Variants in SLC12A3 observed in about 807,000 individuals in gnomAD.
SLC12A3 encodes the protein solute carrier family 12 member 3, also known as Na-Cl cotransporter.
A neutral mutation model predicts 121.0 loss-of-function variants in SLC12A3; 104 were observed. The ratio of observed to expected loss-of-function variants is 0.86; its 90% CI spans 0.73 to 1.01. The LOEUF (loss-of-function observed/expected upper bound fraction) is 1.01. SLC12A3 is among the 50% of genes least tolerant of loss of function. SLC12A3 has a pLI of 0.00. For synonymous variants in SLC12A3, 536 were observed against 533.4 expected, an observed-to-expected ratio of 1.00 and a Z score of -0.07; for missense variants, 1,328 against 1,356.3, an observed-to-expected ratio of 0.98 and a Z score of 0.33.
intron 22 of SLC12A3, among the ~76,000 whole-genome samples, chr16:56,895,804 A>C (rs2055454865): frequency 6.6e-6 from 1 of 152,046 alleles, no homozygotes; most frequent in Non-Finnish European, 1.5e-5. Flanking sequence ...ACTCACCATA[A>C]TGTAGAATCA....
At chr16:56,884,739 G>C (rs1241306903) in intron 14 of SLC12A3, among the ~76,000 whole-genome samples, 2 of 152,144 alleles carry the variant, frequency 1.3e-5, no homozygotes, top group African/African-American at 4.8e-5. Context: ...AAGGCAGGAG[G>C]ATATCGTGTG....
chr16:56,880,125 T>TGCAGTGCCTTTGCGAGGACCA lies in SLC12A3; in HGVS notation c.1444-2_1462dup, dbSNP rs1325615258. 6 of 1,603,972 alleles carry TGCAGTGCCTTTGCGAGGACCA rather than the reference T, an allele frequency of 3.7e-6. No homozygotes were observed. Among genetic ancestry groups the TGCAGTGCCTTTGCGAGGACCA allele is most frequent in the Non-Finnish European group, 5.1e-6 (6 of 1,176,656 alleles). ...TAAGGGTGAGTGCGGCATCTGGTGC[T>TGCAGTGCCTTTGCGAGGACCA]GCAGTGCCTTTGCGAGGACCAGCTG... is the stretch of plus-strand genomic sequence containing the variant. On this transcript the variant is annotated splice_region_variant and splice_polypyrimidine_tract_variant and intron_variant, in intron 11 of 25. Transcript: ENST00000563236.
rs2055426340 is a variant in SLC12A3 at position 56,893,969 on chromosome 16, T to TA, written c.2522-561dup. Among the ~76,000 whole-genome samples, 125 of 95,924 alleles carry TA rather than the reference T, an allele frequency of 1.3e-3. 2 individuals are homozygous for TA. The highest frequency in any genetic ancestry group is 0.012 in the Admixed American group (116 of 9,532). The allele number at this position is 95,924 out of a possible 152,430, so 62.9% of individuals were successfully genotyped here. A position where few individuals can be genotyped will look rare whatever the true frequency, so the allele number is the denominator to read the frequency against. On this transcript the variant is annotated intron_variant, in intron 21 of 25. Coordinates refer to ENST00000563236, the MANE Select transcript of SLC12A3 (RefSeq NM_001126108.2). Reference sequence around the variant, plus strand: ...ATTTTTGTATTTTTATTTTTATTTTTATTTTATTTATTTATTTATTTATTT... The same window carrying TA: ...ATTTTTGTATTTTTATTTTTATTTTTAATTTTATTTATTTATTTATTTATTT...
chr16:56,899,634 G>C lies in SLC12A3; in HGVS notation c.2720+18G>C. ...GCTGAGCAGTAAGTTCTGTTTTGGG[G>C]CTTCCAGGCAGAAGGGCCAACTGTG... is the stretch of plus-strand genomic sequence containing the variant. On this transcript the variant is annotated intron_variant, in intron 23 of 25. Transcript: ENST00000563236. 1 of 1,593,896 alleles carries C rather than the reference G, an allele frequency of 6.3e-7. No individual in the cohort carries two copies. Among genetic ancestry groups the C allele is most frequent in the East Asian group, 2.2e-5 (1 of 44,796 alleles).
intron 25 of SLC12A3, among the ~76,000 whole-genome samples, chr16:56,912,253 G>A (rs1424097645): frequency 2.0e-5 from 3 of 152,246 alleles, no homozygotes; most frequent in Non-Finnish European, 4.4e-5. Context: ...GACCCTCCTG[G>A]AGCCCAGAGC....
At chr16:56,901,963 C>T (rs2055544497) in intron 23 of SLC12A3, among the ~76,000 whole-genome samples, 1 of 152,236 alleles carries the variant, frequency 6.6e-6, no homozygotes, top group Non-Finnish European at 1.5e-5. Context: ...CTTCCCCACC[C>T]ATTATTCTCT....
At chr16:56,873,932 G>A (rs373154895) in intron 8 of SLC12A3, among the ~76,000 whole-genome samples, 2 of 151,718 alleles carry the variant, frequency 1.3e-5, no homozygotes, top group Non-Finnish European at 1.5e-5. Flanking sequence ...GGCTGGTCTC[G>A]ATCTCCTGAC....
intron 8 of SLC12A3, among the ~76,000 whole-genome samples, chr16:56,876,832 CTG>C (rs1407301479): frequency 5.3e-5 from 8 of 152,292 alleles, no homozygotes; most frequent in African/African-American, 1.9e-4. Context: ...AGGTTGGGGT[CTG>C]TGTCTGGAAA....
intron 17 of SLC12A3, 51 bp from the exon 18 acceptor site, chr16:56,887,874 C>A (rs1256002390): frequency 7.3e-7 from 1 of 1,370,246 alleles, no homozygotes; most frequent in South Asian, 1.2e-5. Flanking sequence ...AGGTGGATCA[C>A]CAACTCTGCC....
chr16:56,884,063 T>C lies in SLC12A3; in HGVS notation c.1684T>C (p.Phe562Leu), dbSNP rs1466020927. The change falls in exon 14 of 26, where the codon TTC becomes CTC. Residue 562 changes from phenylalanine to leucine, a missense_variant. Phe to Leu is a conservative substitution (Grantham distance 22, BLOSUM62 0). Coordinates refer to ENST00000563236, the MANE Select transcript of SLC12A3 (RefSeq NM_001126108.2). Reference sequence around the variant, plus strand: ...CCTTGGCCCAGGGTGGAGACCTTCATTCCAATACTACAACAAGTGGGCGGC... The same window carrying C: ...CCTTGGCCCAGGGTGGAGACCTTCACTCCAATACTACAACAAGTGGGCGGC... Reference protein sequence around the residue: ...ITNSPGWRPSFQYYNKWAALF... With the variant: ...ITNSPGWRPSLQYYNKWAALF... 1.2e-6 allele frequency: 2 copies of C among 1,614,168 alleles called. No homozygotes were observed. The highest frequency in any genetic ancestry group is 8.5e-7 in the Non-Finnish European group (1 of 1,180,012).
rs575160672 is a variant in SLC12A3 at position 56,915,674 on chromosome 16, G to A, written c.*2269G>A. On this transcript the variant is annotated 3_prime_UTR_variant, in exon 26 of 26. Coordinates refer to ENST00000563236, the MANE Select transcript of SLC12A3 (RefSeq NM_001126108.2). ...TTTCTGGTTCTTCAAACCTCAAAGA[G>A]TCCTTGGTCCAAAAAACAGAATGTT... is the stretch of plus-strand genomic sequence containing the variant. 1.3e-5 allele frequency: 2 copies of A among 152,238 alleles called. No individual in the cohort carries two copies. The highest frequency in any genetic ancestry group is 3.9e-4 in the East Asian group (2 of 5,192). 9.4% of individuals were successfully genotyped at this position (152,238 alleles called of 1,614,324 possible).
chr16:56,913,140 G>C (rs2055707995), intron 25 of SLC12A3, 124 bp from the exon 26 acceptor site: 3 of 1,253,572 alleles, frequency 2.4e-6, no homozygotes, highest in South Asian at 1.2e-5. Flanking sequence ...GTCATTCTTA[G>C]GGTGGGTGGA....
Position 56,913,729 on chromosome 16 carries a change from G to T in SLC12A3, c.*324G>T. 2.7e-6 allele frequency: 1 copy of T among 369,810 alleles called. No homozygotes were observed. 22.9% of individuals were successfully genotyped at this position (369,810 alleles called of 1,614,324 possible). A position where few individuals can be genotyped will look rare whatever the true frequency, so the allele number is the denominator to read the frequency against. On this transcript the variant is annotated 3_prime_UTR_variant, in exon 26 of 26. Coordinates refer to ENST00000563236, the MANE Select transcript of SLC12A3 (RefSeq NM_001126108.2). ...TAAGAGTTCAGTCTTTGATTTGTAT[G>T]CAAATTGGAGTCCCAATGCTGGGCG... is the stretch of plus-strand genomic sequence containing the variant.
At chr16:56,894,047 A>G (rs1279142167) in intron 21 of SLC12A3, among the ~76,000 whole-genome samples, 1 of 150,552 alleles carries the variant, frequency 6.6e-6, no homozygotes, top group Non-Finnish European at 1.5e-5. Context: ...TCTGTTGCCC[A>G]GGCTGGAGTG....
chr16:56,904,829 C>T, intron 25 of SLC12A3: 1 of 350,944 alleles, frequency 2.8e-6, no homozygotes, highest in South Asian at 2.2e-5. Context: ...CTTGGCCCTC[C>T]TTGGCTATCG....
At chr16:56,909,795 GAA>G (rs55674033) in intron 25 of SLC12A3, among the ~76,000 whole-genome samples, 14 of 148,232 alleles carry the variant, frequency 9.4e-5, no homozygotes, top group East Asian at 2.0e-4. Context: ...CTGAGGAAGG[GAA>G]AAAAAAAAAA....
At chr16:56,875,095 C>A (rs192593082) in intron 8 of SLC12A3, among the ~76,000 whole-genome samples, 16 of 152,204 alleles carry the variant, frequency 1.1e-4, no homozygotes, top group Admixed American at 2.0e-4. Context: ...TTTTAGGTTA[C>A]CAACCAGCAG....
At chr16:56,880,404 G>C in intron 12 of SLC12A3, 151 bp downstream of exon 12, 2 of 957,516 alleles carry the variant, frequency 2.1e-6, no homozygotes, top group Non-Finnish European at 3.1e-6. Flanking sequence ...TGAGGGGTGA[G>C]ACCCCACCTG....
chr16:56,870,138 T>C lies in SLC12A3; in HGVS notation c.644T>C (p.Leu215Pro), dbSNP rs780594361. 15 of 1,613,934 alleles carry C rather than the reference T, an allele frequency of 9.3e-6. No individual in the cohort carries two copies. The highest frequency in any genetic ancestry group is 1.3e-5 in the African/African-American group (1 of 74,948). The change falls in exon 5 of 26, where the codon CTT (leucine) becomes CCT (proline). Residue 215 changes from leucine (L) to proline (P), a missense_variant. Coordinates refer to ENST00000563236, the MANE Select transcript of SLC12A3 (RefSeq NM_001126108.2). ...FLISRSLGPE[L>P]GGSIGLIFAF... ...ATCTCCCGGAGTCTGGGCCCAGAGC[T>C]TGGGGGCTCCATCGGCCTCATTTTC... is the stretch of plus-strand genomic sequence containing the variant.
Sources: gnomAD v4.1 joint callset for allele counts (sites outside exome capture counted in the v4.1 genomes callset) on GRCh38, gnomAD v4.1.1 for gene constraint, MANE v1.5 for transcripts, NCBI Gene and HGNC (gene_info 2026-07-23, HGNC 2026-07-21) for gene names.